ATP8B1: variants seen among roughly 807,000 people sequenced by gnomAD.
The protein encoded by ATP8B1 is ATPase phospholipid transporting 8B1.
A neutral mutation model predicts 149.9 loss-of-function variants in ATP8B1; 80 were observed. The observed-to-expected ratio is 0.53, with a 90% CI of 0.45 to 0.64. The LOEUF is 0.64. Ranked by LOEUF, ATP8B1 falls within the 30% of genes least tolerant of loss-of-function variation. ATP8B1 has a pLI of 0.00. For missense variants in ATP8B1, 1,247 were observed against 1,552.6 expected (o/e 0.80, Z 3.31); for synonymous variants, 536 against 562.8 (o/e 0.95, Z 0.67).
intron 1 of ATP8B1, among the ~76,000 whole-genome samples, chr18:57,741,669 A>C (rs2079915116): frequency 6.6e-6 from 1 of 152,210 alleles, no homozygotes; most frequent in Non-Finnish European, 1.5e-5. Context: ...TAAGTTTTGG[A>C]GTAGCTTGTT....
At chr18:57,713,183 C>CTTTCTTTCT (rs1913780494) in intron 2 of ATP8B1, among the ~76,000 whole-genome samples, 1 of 94,432 alleles carries the variant, frequency 1.1e-5, no homozygotes, top group Non-Finnish European at 2.1e-5. Flanking sequence ...TTCTTTCTTT[C>CTTTCTTTCT]TTTCTTTCTT....
At chr18:57,716,659 C>T (rs1311428143) in intron 2 of ATP8B1, among the ~76,000 whole-genome samples, 3 of 152,182 alleles carry the variant, frequency 2.0e-5, no homozygotes, top group Non-Finnish European at 4.4e-5. Flanking sequence ...ATCCACCTTA[C>T]ACTGGAGCAC....
chr18:57,715,661 C>G (rs915019017), intron 2 of ATP8B1, among the ~76,000 whole-genome samples: 3 of 152,190 alleles, frequency 2.0e-5, no homozygotes, highest in African/African-American at 7.2e-5. Context: ...CACTCCAATA[C>G]GTCTGGCAGC....
At position 57,776,698 on chromosome 18, in the gene ATP8B1, A is replaced by AAAG. The variant is rs552023116; in HGVS notation, c.-26+26299_-26+26300insCTT. 7.2e-5 allele frequency among the ~76,000 whole-genome samples: 11 copies of AAAG among 152,194 alleles called. No individual in the cohort carries two copies. The South Asian group carries it at 2.3e-3, about 32-fold the overall frequency. The stretch of plus-strand genomic sequence containing the variant: ...GGAACCAAGTCACTAAAAAAAAAAA[A>AAAG]AAAGAAAGAAAAAAGCAATTATTTT... On this transcript the variant is annotated intron_variant, in intron 1 of 27. Coordinates refer to ENST00000648908, the MANE Select transcript of ATP8B1 (RefSeq NM_001374385.1).
At chr18:57,691,175 CAAAA>C (rs530091842) in intron 12 of ATP8B1, among the ~76,000 whole-genome samples, 1 of 58,892 alleles carries the variant, frequency 1.7e-5, no homozygotes, top group Non-Finnish European at 3.9e-5. Context: ...AACTCCATCT[CAAAA>C]AAAAAAAAAA....
intron 24 of ATP8B1, 125 bp from the exon 25 acceptor site, chr18:57,652,854 C>T (rs1301456436): frequency 2.6e-5 from 31 of 1,189,664 alleles, no homozygotes; most frequent in Non-Finnish European, 3.6e-5. Context: ...AAAAACTGAA[C>T]AAGATAATCG....
intron 1 of ATP8B1, among the ~76,000 whole-genome samples, chr18:57,780,348 C>T (rs188817352): frequency 6.6e-5 from 10 of 152,284 alleles, no homozygotes; most frequent in Admixed American, 4.6e-4. Context: ...ATAGAATTCA[C>T]CCAATTTGAA....
intron 1 of ATP8B1, among the ~76,000 whole-genome samples, chr18:57,765,087 AGGAACTATCATTT>A (rs2123347865): frequency 6.6e-6 from 1 of 152,380 alleles, no homozygotes; most frequent in East Asian, 1.9e-4. Flanking sequence ...TATAGAGACA[AGGAACTATCATTT>A]GGCCTTAAAA....
At chr18:57,732,077 GTA>G (rs1374203858) in intron 1 of ATP8B1, 161 of 335,740 alleles carry the variant, frequency 4.8e-4, no homozygotes, top group South Asian at 8.0e-4. Context: ...TTAAACAAGG[GTA>G]TATATATATA....
intron 1 of ATP8B1, among the ~76,000 whole-genome samples, chr18:57,759,155 CAA>C (rs566728161): frequency 0.014 from 1,527 of 105,688 alleles, 9 homozygotes; most frequent in African/African-American, 0.047. Flanking sequence ...GATTCCATCT[CAA>C]AAAAAAAAAA....
At chr18:57,659,454 CCAAAG>C (rs888144589) in intron 22 of ATP8B1, among the ~76,000 whole-genome samples, 132 of 152,076 alleles carry the variant, frequency 8.7e-4, no homozygotes, top group African/African-American at 3.0e-3. Context: ...TGATAAATCT[CCAAAG>C]CAAACCCGTC....
intron 21 of ATP8B1, among the ~76,000 whole-genome samples, chr18:57,662,041 T>TG (rs1297052577): frequency 6.6e-6 from 1 of 152,160 alleles, no homozygotes; most frequent in Non-Finnish European, 1.5e-5. Flanking sequence ...TCAATGGAGA[T>TG]GGGGTCTTGC....
intron 22 of ATP8B1, 46 bp downstream of exon 22, chr18:57,661,128 C>G: frequency 6.2e-7 from 1 of 1,607,026 alleles, no homozygotes; most frequent in South Asian, 1.1e-5. Flanking sequence ...AGCCATTTCT[C>G]CTCTCTAGCA....
chr18:57,781,699 G>C (rs1249333746), intron 1 of ATP8B1, among the ~76,000 whole-genome samples: 1 of 152,232 alleles, frequency 6.6e-6, no homozygotes, highest in Non-Finnish European at 1.5e-5. Flanking sequence ...ACATAGGTGG[G>C]TGCAGTGGCT....
intron 12 of ATP8B1, among the ~76,000 whole-genome samples, chr18:57,691,485 G>A (rs1912526488): frequency 1.3e-5 from 2 of 152,144 alleles, no homozygotes; most frequent in African/African-American, 4.8e-5. Context: ...CCTCCTCCCA[G>A]TCCCTTTCTG....
intron 1 of ATP8B1, among the ~76,000 whole-genome samples, chr18:57,768,544 C>A: frequency 7.2e-6 from 1 of 139,122 alleles, no homozygotes; most frequent in Non-Finnish European, 1.5e-5. Context: ...AAAACATAGT[C>A]CAGATTAGAA....
chr18:57,767,356 A>G (rs1448952682), intron 1 of ATP8B1, among the ~76,000 whole-genome samples: 1 of 152,174 alleles, frequency 6.6e-6, no homozygotes, highest in Non-Finnish European at 1.5e-5. Flanking sequence ...GAAAAACCCA[A>G]GGCCATTGTG....
At chr18:57,758,698 T>G (rs1234721790) in intron 1 of ATP8B1, among the ~76,000 whole-genome samples, 1 of 152,220 alleles carries the variant, frequency 6.6e-6, no homozygotes, top group East Asian at 1.9e-4. Context: ...TATGTTTCCT[T>G]TTTTCTTTTA....
chr18:57,736,195 G>A (rs531364515), intron 1 of ATP8B1, among the ~76,000 whole-genome samples: 1 of 152,178 alleles, frequency 6.6e-6, no homozygotes, highest in East Asian at 1.9e-4. Flanking sequence ...TTTTTGAGTT[G>A]TTTGAGTTCC....
Sources: gnomAD v4.1 joint callset for allele counts (sites outside exome capture counted in the v4.1 genomes callset) on GRCh38, gnomAD v4.1.1 for gene constraint, MANE v1.5 for transcripts, NCBI Gene and HGNC (gene_info 2026-07-23, HGNC 2026-07-21) for gene names.